The following DRC8 variants were observed in gnomAD, a reference collection of about 807,000 sequenced individuals.
The protein encoded by DRC8 is dynein regulatory complex subunit 8.
At chr1:245,039,344 G>C in the DRC8 span, among the ~76,000 whole-genome samples, 1 of 98,162 alleles carries the variant, frequency 1.0e-5, no homozygotes, top group Non-Finnish European at 2.0e-5. Context: ...GCCAAGTGTG[G>C]TGGCACAGTG....
At chr1:245,115,073 CAG>C in the DRC8 span, among the ~76,000 whole-genome samples, 1 of 151,742 alleles carries the variant, frequency 6.6e-6, no homozygotes, top group African/African-American at 2.4e-5. Context: ...TATTTTGAGA[CAG>C]GGTCTCGCTC....
the DRC8 span, among the ~76,000 whole-genome samples, chr1:245,067,683 A>G: frequency 6.6e-6 from 1 of 152,152 alleles, no homozygotes; most frequent in African/African-American, 2.4e-5. Context: ...GATCCACGTA[A>G]TCTACACCCT....
At chr1:245,120,112 A>C in the DRC8 span, among the ~76,000 whole-genome samples, 1 of 152,198 alleles carries the variant, frequency 6.6e-6, no homozygotes, top group African/African-American at 2.4e-5. Context: ...TTGAATGAAT[A>C]AAATATATGT....
chr1:245,068,762 T>G, the DRC8 span, among the ~76,000 whole-genome samples: 1 of 152,080 alleles, frequency 6.6e-6, no homozygotes, highest in Non-Finnish European at 1.5e-5. Flanking sequence ...ACTATAATCT[T>G]ATAGTATAAT....
chr1:244,992,100 C>A, the DRC8 span, among the ~76,000 whole-genome samples: 1 of 152,180 alleles, frequency 6.6e-6, no homozygotes, highest in Non-Finnish European at 1.5e-5. Flanking sequence ...TGATTGCACG[C>A]TGTTTTTAGG....
chr1:245,021,568 T>G, the DRC8 span, among the ~76,000 whole-genome samples: 2 of 152,132 alleles, frequency 1.3e-5, no homozygotes, highest in African/African-American at 4.8e-5. Flanking sequence ...CCCAAGTAGC[T>G]GGGATTACAG....
chr1:245,020,187 T>C, the DRC8 span, among the ~76,000 whole-genome samples: 8 of 152,340 alleles, frequency 5.3e-5, no homozygotes, highest in East Asian at 1.2e-3. Flanking sequence ...TTGTGGTGGC[T>C]ACTTTCCCTT....
chr1:245,111,713 T>C, the DRC8 span, among the ~76,000 whole-genome samples: 1 of 152,124 alleles, frequency 6.6e-6, no homozygotes, highest in Admixed American at 6.5e-5. Flanking sequence ...AGGGGACTTT[T>C]AGAAAACCCT....
chr1:244,990,628 T>C, the DRC8 span, among the ~76,000 whole-genome samples: 2 of 152,154 alleles, frequency 1.3e-5, no homozygotes, highest in Non-Finnish European at 2.9e-5. Flanking sequence ...CACTATGACA[T>C]AGCCCCATCA....
At chr1:245,102,546 C>T in the DRC8 span, among the ~76,000 whole-genome samples, 3 of 152,122 alleles carry the variant, frequency 2.0e-5, no homozygotes, top group Non-Finnish European at 4.4e-5. Flanking sequence ...GACGGGGTTT[C>T]GCCATGATGG....
chr1:244,978,168 A>C, the DRC8 span, among the ~76,000 whole-genome samples: 1 of 152,218 alleles, frequency 6.6e-6, no homozygotes, highest in African/African-American at 2.4e-5. Context: ...ACTGTAAAAA[A>C]GTAATTTTAG....
At chr1:245,116,449 G>C in the DRC8 span, among the ~76,000 whole-genome samples, 1 of 152,078 alleles carries the variant, frequency 6.6e-6, no homozygotes, top group African/African-American at 2.4e-5. Context: ...AAATTAGGAG[G>C]TGACATCTGA....
At chr1:245,022,836 G>A in the DRC8 span, among the ~76,000 whole-genome samples, 6 of 152,052 alleles carry the variant, frequency 3.9e-5, no homozygotes, top group Admixed American at 3.9e-4. Context: ...AACCATCACC[G>A]CTATCCATTT....
chr1:244,987,519 A>T, the DRC8 span, among the ~76,000 whole-genome samples: 1 of 151,948 alleles, frequency 6.6e-6, no homozygotes, highest in East Asian at 1.9e-4. Flanking sequence ...TTTTAAGCCT[A>T]GTGTTTTGGT....
chr1:244,987,930 T>C, the DRC8 span, among the ~76,000 whole-genome samples: 1 of 152,176 alleles, frequency 6.6e-6, no homozygotes, highest in Non-Finnish European at 1.5e-5. Context: ...AAAAAACTTC[T>C]CTTATATCCT....
At chr1:245,071,643 C>G in the DRC8 span, among the ~76,000 whole-genome samples, 1 of 152,098 alleles carries the variant, frequency 6.6e-6, no homozygotes, top group Non-Finnish European at 1.5e-5. Context: ...TATTCATACT[C>G]CCTTCCTGGA....
chr1:245,003,893 C>T, the DRC8 span, among the ~76,000 whole-genome samples: 8 of 152,164 alleles, frequency 5.3e-5, no homozygotes, highest in Middle Eastern at 3.4e-3. Flanking sequence ...TGTGAACTAC[C>T]GCCTGTTTTG....
the DRC8 span, among the ~76,000 whole-genome samples, chr1:244,989,645 ACT>A: frequency 9.2e-5 from 14 of 152,014 alleles, no homozygotes; most frequent in South Asian, 2.1e-4. Flanking sequence ...CACTGTGGTA[ACT>A]CTGTCTCCCC....
chr1:245,038,353 C>T, the DRC8 span, among the ~76,000 whole-genome samples: 1 of 152,128 alleles, frequency 6.6e-6, no homozygotes, highest in Non-Finnish European at 1.5e-5. Context: ...GCCTGTAGTC[C>T]CAGCTACTCA....
Sources: gnomAD v4.1 joint callset for allele counts (sites outside exome capture counted in the v4.1 genomes callset) on GRCh38, gnomAD v4.1.1 for gene constraint, MANE v1.5 for transcripts, NCBI Gene and HGNC (gene_info 2026-07-23, HGNC 2026-07-21) for gene names.